The following CDH18 variants were observed in gnomAD, a reference collection of about 807,000 sequenced individuals.
CDH18 encodes cadherin 18.
A neutral mutation model predicts 67.9 loss-of-function variants in CDH18; 31 were observed. The observed-to-expected ratio is 0.46, with a 90% CI of 0.34 to 0.62. The LOEUF is 0.62. Ranked by LOEUF, CDH18 falls within the 20% of genes least tolerant of loss-of-function variation. The pLI is 0.01. For synonymous variants in CDH18, 362 were observed against 347.2 expected (o/e 1.04, Z -0.48); for missense variants, 890 against 975.5 (o/e 0.91, Z 1.17).
At chr5:20,344,216 G>T (rs57409450) in intron 1 of CDH18, among the ~76,000 whole-genome samples, 17,451 of 152,010 alleles carry the variant, frequency 0.11, 1,828 homozygotes, top group East Asian at 0.51. Context: ...TGGCCCAAAG[G>T]CTGTTCTCAG....
intron 2 of CDH18, among the ~76,000 whole-genome samples, chr5:20,144,764 A>T (rs964326558): frequency 7.2e-5 from 11 of 152,180 alleles, no homozygotes; most frequent in African/African-American, 2.4e-4. Context: ...TTCTTTGAAG[A>T]CAGGGTATTT....
intron 1 of CDH18, among the ~76,000 whole-genome samples, chr5:20,548,753 T>C (rs1290501387): frequency 6.6e-6 from 1 of 152,136 alleles, no homozygotes; most frequent in Non-Finnish European, 1.5e-5. Flanking sequence ...TCAGTTGAAA[T>C]TGTGATGTAG....
At chr5:20,351,806 T>A (rs2150058292) in intron 1 of CDH18, among the ~76,000 whole-genome samples, 1 of 152,216 alleles carries the variant, frequency 6.6e-6, no homozygotes, top group African/African-American at 2.4e-5. Context: ...TGCCTGTTGG[T>A]GGGGTAAGAT....
upstream of CDH18, among the ~76,000 whole-genome samples, chr5:19,988,601 G>A (rs1484739244): frequency 6.6e-6 from 1 of 152,112 alleles, no homozygotes; most frequent in Non-Finnish European, 1.5e-5. Flanking sequence ...TCTCTGCGGG[G>A]GAGGGGAAAC....
chr5:20,396,408 CA>C (rs4002087), intron 1 of CDH18, among the ~76,000 whole-genome samples: 4 of 148,814 alleles, frequency 2.7e-5, no homozygotes, highest in Admixed American at 6.7e-5. Context: ...GTTTATAAAG[CA>C]AAAAAAAAAA....
At chr5:20,260,102 A>T (rs188150523) in intron 1 of CDH18, among the ~76,000 whole-genome samples, 1 of 151,886 alleles carries the variant, frequency 6.6e-6, no homozygotes. Context: ...GATTTTCTCA[A>T]CCAAGAGCCA....
At chr5:20,311,692 T>C (rs1737009910) in intron 1 of CDH18, among the ~76,000 whole-genome samples, 1 of 152,056 alleles carries the variant, frequency 6.6e-6, no homozygotes, top group African/African-American at 2.4e-5. Flanking sequence ...ATTCCTAATG[T>C]AGATGATGAG....
chr5:20,359,044 G>T (rs1741871336), intron 1 of CDH18, among the ~76,000 whole-genome samples: 1 of 149,322 alleles, frequency 6.7e-6, no homozygotes, highest in South Asian at 2.1e-4. Context: ...TGATTCTACT[G>T]CCTCAGCCTC....
At chr5:19,485,311 A>G (rs918876369) in intron 11 of CDH18, among the ~76,000 whole-genome samples, 22 of 149,436 alleles carry the variant, frequency 1.5e-4, no homozygotes, top group Non-Finnish European at 1.5e-5. Flanking sequence ...GCTGGAGTGC[A>G]GTGGCGCCAC....
At chr5:19,658,128 ATTATTGC>A (rs1271267525) in intron 5 of CDH18, among the ~76,000 whole-genome samples, 1 of 96,338 alleles carries the variant, frequency 1.0e-5, no homozygotes, top group African/African-American at 2.6e-5. Flanking sequence ...TTATCTCTTT[ATTATTGC>A]TTTATGCAAT....
intron 1 of CDH18, among the ~76,000 whole-genome samples, chr5:20,542,609 A>T (rs1339021677): frequency 1.3e-5 from 2 of 151,974 alleles, no homozygotes; most frequent in Non-Finnish European, 2.9e-5. Flanking sequence ...ACAAATTTTT[A>T]ATGCAACTAG....
intron 5 of CDH18, among the ~76,000 whole-genome samples, chr5:19,654,610 G>C (rs995943771): frequency 1.3e-5 from 2 of 152,150 alleles, no homozygotes; most frequent in Non-Finnish European, 2.9e-5. Flanking sequence ...TGAAGCTCCA[G>C]TGGGCATGCT....
intron 1 of CDH18, among the ~76,000 whole-genome samples, chr5:20,556,679 G>A (rs929626123): frequency 6.6e-6 from 1 of 151,972 alleles, no homozygotes; most frequent in Non-Finnish European, 1.5e-5. Context: ...AAGCATTAGT[G>A]GATTATTCGC....
Position 19,490,394 on chromosome 5 carries a change from G to GTTTTTTTTTTTTTTTTTT in CDH18, c.1631-6860_1631-6843dup, listed in dbSNP as rs70950073. On this transcript the variant is annotated intron_variant, in intron 11 of 12. Coordinates refer to ENST00000382275, the MANE Select transcript of CDH18 (RefSeq NM_004934.5). ...TGATATATCACATATATAAAAATCT[G>GTTTTTTTTTTTTTTTTTT]TTTTTTTTTTTTTTTTTTTTTTTTT... 1.3e-4 allele frequency among the ~76,000 whole-genome samples: 8 copies of GTTTTTTTTTTTTTTTTTT among 60,210 alleles called. 3 individuals carry two copies. Among genetic ancestry groups the GTTTTTTTTTTTTTTTTTT allele is most frequent in the African/African-American group, 2.7e-4 (4 of 14,916 alleles). 39.5% of individuals were successfully genotyped at this position (60,210 alleles called of 152,430 possible). A position where few individuals can be genotyped will look rare whatever the true frequency, so the allele number is the denominator to read the frequency against.
At chr5:19,973,167 T>C (rs952735079) in intron 2 of CDH18, among the ~76,000 whole-genome samples, 7 of 152,072 alleles carry the variant, frequency 4.6e-5, no homozygotes, top group African/African-American at 1.7e-4. Context: ...AAAAAGCCAA[T>C]GGAAAAACAC....
chr5:20,080,382 T>C (rs1744347789), intron 2 of CDH18, among the ~76,000 whole-genome samples: 1 of 152,150 alleles, frequency 6.6e-6, no homozygotes, highest in Non-Finnish European at 1.5e-5. Flanking sequence ...ATTATGATAA[T>C]TCATTAGGAA....
intron 5 of CDH18, among the ~76,000 whole-genome samples, chr5:19,618,320 G>A (rs558349759): frequency 2.6e-5 from 4 of 151,520 alleles, no homozygotes; most frequent in East Asian, 2.0e-4. Flanking sequence ...ATTCCCCTGC[G>A]TTCGCTTCCT....
chr5:20,553,199 A>T (rs184033163), intron 1 of CDH18, among the ~76,000 whole-genome samples: 1 of 152,318 alleles, frequency 6.6e-6, no homozygotes, highest in East Asian at 1.9e-4. Context: ...AAAGATTCCA[A>T]TTCATACGGT....
intron 2 of CDH18, among the ~76,000 whole-genome samples, chr5:19,892,462 T>C (rs568143406): frequency 6.6e-6 from 1 of 152,232 alleles, no homozygotes; most frequent in East Asian, 1.9e-4. Context: ...TTATATTGTC[T>C]AAAATTCTTA....
Sources: allele counts gnomAD v4.1 joint callset (sites outside exome capture counted in the v4.1 genomes callset), GRCh38; gene constraint gnomAD v4.1.1; transcripts MANE v1.5; gene names NCBI Gene and HGNC (gene_info 2026-07-23, HGNC 2026-07-21).